Variants in OGG1 observed in about 807,000 individuals in gnomAD.
OGG1 encodes the protein N-glycosylase/DNA lyase.
A neutral mutation model predicts 42.3 loss-of-function variants in OGG1; 35 were observed. The ratio of observed to expected loss-of-function variants is 0.83; its 90% confidence interval spans 0.63 to 1.10. The LOEUF is 1.10. OGG1 is among the 50% of genes least tolerant of loss of function. The pLI is 0.00. For missense variants in OGG1, 484 were observed against 446.7 expected (o/e 1.08, Z -0.75); for synonymous variants, 189 against 179.0 (o/e 1.06, Z -0.44).
chr3:9,756,398 T>C, intron 4 of OGG1, 73 bp from the exon 5 acceptor site: 1 of 1,527,414 alleles, frequency 6.5e-7, no homozygotes, highest in Non-Finnish European at 9.1e-7. Context: ...AGCAGCCGGC[T>C]TTGGGGCTAT....
At chr3:9,754,273 T>G (rs1211328044) in intron 3 of OGG1, among the ~76,000 whole-genome samples, 1 of 152,252 alleles carries the variant, frequency 6.6e-6, no homozygotes, top group Non-Finnish European at 1.5e-5. Flanking sequence ...AAAACAGCAG[T>G]ACTGTCAGTG....
In OGG1 at chr3:9,757,265, A is replaced by C. The variant is rs1477621521; in HGVS notation, c.*115A>C. 6.2e-7 allele frequency: 1 copy of C among 1,614,156 alleles called. No individual in the cohort carries two copies. The highest frequency in any genetic ancestry group is 2.2e-5 in the East Asian group (1 of 44,882). ...GGAGGGGCCTCCCTGTGACTACCTC[A>C]AAGGCCAGGCACCCCCAAATCAAGC... On this transcript the variant is annotated 3_prime_UTR_variant, in exon 7 of 7. Coordinates refer to ENST00000344629, the MANE Select transcript of OGG1 (RefSeq NM_002542.6). The surrounding 1 kb of genome is among the most constrained non-coding windows in gnomAD (Gnocchi z 4.5).
At chr3:9,757,998 T>A (rs2077666605), downstream of OGG1, 1 of 1,268,906 alleles carries the variant, frequency 7.9e-7, no homozygotes, top group Admixed American at 2.9e-5. The surrounding 1 kb of genome is among the most constrained non-coding windows in gnomAD (Gnocchi z 4.5). Context: ...CAAAAACCTC[T>A]ACAAGGCTTT....
downstream of OGG1, chr3:9,761,011 T>C (rs572163421): frequency 1.0e-5 from 5 of 494,406 alleles, no homozygotes; most frequent in African/African-American, 7.8e-5. Flanking sequence ...TATGCCACTC[T>C]TTCCCCACAC....
intron 2 of OGG1, among the ~76,000 whole-genome samples, chr3:9,778,756 A>C (rs2078397645): frequency 6.6e-6 from 1 of 152,110 alleles, no homozygotes; most frequent in African/African-American, 2.4e-5. Flanking sequence ...GGGACTAATC[A>C]TTGTGGCTAG....
downstream of OGG1, chr3:9,757,500 C>A (rs1166084465): frequency 6.2e-7 from 1 of 1,604,772 alleles, no homozygotes. This position sits in a 1 kb window ranked among gnomAD's most constrained non-coding sequence, Gnocchi z 4.5. Context: ...TGCCCCCAAG[C>A]CCTCCCACGC....
In OGG1 at chr3:9,780,946, C is replaced by T. The variant is rs572045502; in HGVS notation, c.295-567C>T. 2.0e-5 allele frequency among the ~76,000 whole-genome samples: 3 copies of T among 152,168 alleles called. No individual in the cohort carries two copies. The East Asian group carries it at 5.8e-4, about 29-fold the overall frequency. On this transcript the variant is annotated intron_variant, in intron 2 of 3. Transcript: ENST00000426518. Reference sequence around the variant, plus strand: ...TTGAGCCCAGGAGTTCGAGACCAGTCTGAGCAACATAGTGAGACTGTCTCT... The same window carrying T: ...TTGAGCCCAGGAGTTCGAGACCAGTTTGAGCAACATAGTGAGACTGTCTCT...
At chr3:9,767,696 GT>G, downstream of OGG1, 3 of 1,614,144 alleles carry the variant, frequency 1.9e-6, no homozygotes, top group Non-Finnish European at 2.5e-6. Context: ...AGTCGTAGAT[GT>G]CTCTAATGTC....
chr3:9,750,181 G>T lies in OGG1; in HGVS notation c.-106G>T. ...AAGGTTGTTAAACAGCACCGTGTGG[G>T]CGAGGCCTTAAGGGTCGTGGTCCTT... On this transcript the variant is annotated 5_prime_UTR_variant, in exon 1 of 7. Transcript: ENST00000344629. 1.4e-6 allele frequency: 2 copies of T among 1,392,550 alleles called. No homozygotes were observed. Among genetic ancestry groups the T allele is most frequent in the Non-Finnish European group, 9.7e-7 (1 of 1,027,602 alleles). The allele number at this position is 1,392,550 out of a possible 1,614,324, so 86.3% of individuals were successfully genotyped here.
downstream of OGG1, chr3:9,789,888 G>A: frequency 6.2e-7 from 1 of 1,614,216 alleles, no homozygotes; most frequent in Non-Finnish European, 8.5e-7. Context: ...TGTTTGGGGG[G>A]AGCTCCAAGT....
At chr3:9,754,945 T>C in intron 4 of OGG1, 60 bp downstream of exon 4, 1 of 1,463,574 alleles carries the variant, frequency 6.8e-7, no homozygotes, top group Admixed American at 2.0e-5. Flanking sequence ...GAGCAGGAAA[T>C]GAGCCAAGCC....
At chr3:9,760,671 C>T (rs747682193), downstream of OGG1, 17 of 1,613,800 alleles carry the variant, frequency 1.1e-5, no homozygotes, top group African/African-American at 1.3e-5. Context: ...TCAGAGATGT[C>T]GTCCCAGTAA....
At position 9,785,539 on chromosome 3, in the gene OGG1, C is replaced by CCCACCTACCGTGGGAAGCCTTCCCATA. The variant is rs2078587878; in HGVS notation, c.383-2185_383-2159dup. ...AGAAATATCCTTTTATCTTTCCCATCCCACCTACCGTGGGAAGCCTTCCCA... is the reference window on the plus strand; with the variant it reads ...AGAAATATCCTTTTATCTTTCCCATCCCACCTACCGTGGGAAGCCTTCCCATACCACCTACCGTGGGAAGCCTTCCCA... On this transcript the variant is annotated intron_variant, in intron 3 of 3. Coordinates refer to the OGG1 transcript ENST00000426518. 6 of 725,460 alleles carry CCCACCTACCGTGGGAAGCCTTCCCATA rather than the reference C, an allele frequency of 8.3e-6. No individual in the cohort carries two copies. In the Admixed American group the frequency reaches 1.5e-4, roughly 19 times the overall value. The allele number at this position is 725,460 out of a possible 1,614,324, so 44.9% of individuals were successfully genotyped here.
At position 9,756,553 on chromosome 3, in the gene OGG1, G is replaced by A. The variant is rs1343218116; in HGVS notation, c.830G>A (p.Arg277His). 7.4e-6 allele frequency: 12 copies of A among 1,614,062 alleles called. No homozygotes were observed. Among genetic ancestry groups the A allele is most frequent in the Non-Finnish European group, 1.0e-5 (12 of 1,180,046 alleles). ...VDVHMWHIAQ[R>H]DYSWHPTTSQ... ...GTCCATATGTGGCACATTGCCCAAC[G>A]TGACTACAGCTGGCACCCTACCACG... The change falls in exon 5 of 7, where the codon CGT (arginine) becomes CAT (histidine). Residue 277 changes from arginine (R) to histidine (H), a missense_variant. Transcript: ENST00000344629.
chr3:9,756,951 C>T, intron 6 of OGG1, 110 bp from the exon 7 acceptor site: 1 of 1,611,988 alleles, frequency 6.2e-7, no homozygotes, highest in South Asian at 1.1e-5. Context: ...ATTCTCATTG[C>T]CTTCGGCCCT....
chr3:9,756,508 C>A lies in OGG1; in HGVS notation c.785C>A (p.Pro262His). 1 of 1,614,146 alleles carries A rather than the reference C, an allele frequency of 6.2e-7. No individual in the cohort carries two copies. The highest frequency in any genetic ancestry group is 8.5e-7 in the Non-Finnish European group (1 of 1,180,026). The change falls in exon 5 of 7, where the codon CCC (proline) becomes CAC (histidine). Residue 262 changes from proline to histidine, a missense_variant. Pro to His is a moderately conservative substitution (Grantham distance 77, BLOSUM62 -2). Transcript: ENST00000344629. ...ATCTGCCTGATGGCCCTAGACAAGCCCCAGGCTGTGCCCGTGGATGTCCAT... is the reference window on the plus strand; with the variant it reads ...ATCTGCCTGATGGCCCTAGACAAGCACCAGGCTGTGCCCGTGGATGTCCAT... Reference protein sequence around the residue: ...DCICLMALDKPQAVPVDVHMW... With the variant: ...DCICLMALDKHQAVPVDVHMW...
chr3:9,780,126 C>CCAT, intron 2 of OGG1: 1 of 440,938 alleles, frequency 2.3e-6, no homozygotes, highest in Admixed American at 3.9e-5. Flanking sequence ...CCCTCCAACC[C>CCAT]CATCTCGGGG....
rs775611059 is a variant in OGG1, at chr3:9,757,066, G to C, written c.954G>C (p.Leu318=). The C allele has an allele frequency of 1.2e-6, 2 of 1,614,084 alleles. No homozygotes were observed. Among genetic ancestry groups the C allele is most frequent in the Admixed American group, 3.3e-5 (2 of 60,024 alleles). The stretch of plus-strand genomic sequence containing the variant: ...CAGACTCCACCCTCCTACAGGTGCT[G>C]TTCAGTGCCGACCTGCGCCAATCCC... ...GPYAGWAQAV[L]FSADLRQSRH... Residue 318 remains leucine, a synonymous_variant, in exon 7 of 7, where the codon CTG becomes CTC. Transcript: ENST00000344629. This position sits in a 1 kb window ranked among gnomAD's most constrained non-coding sequence, Gnocchi z 4.5.
chr3:9,753,976 A>G (rs2077425096), intron 3 of OGG1, among the ~76,000 whole-genome samples: 1 of 152,182 alleles, frequency 6.6e-6, no homozygotes, highest in Non-Finnish European at 1.5e-5. Flanking sequence ...CATCTCTACA[A>G]AAAATAAACA....
Sources: gnomAD v4.1 joint callset for allele counts (sites outside exome capture counted in the v4.1 genomes callset) on GRCh38, gnomAD v4.1.1 for gene constraint, Gnocchi (gnomAD v3.1) non-coding constraint, MANE v1.5 for transcripts, NCBI Gene and HGNC (gene_info 2026-07-23, HGNC 2026-07-21) for gene names.